Variants in ADCY10 observed in about 807,000 individuals in gnomAD.
ADCY10 encodes the protein adenylate cyclase type 10.
Under a neutral mutation model 183.3 loss-of-function variants are expected in ADCY10, and 156 were observed. The ratio of observed to expected loss-of-function variants is 0.85; its 90% CI spans 0.75 to 0.97. The LOEUF (loss-of-function observed/expected upper bound fraction) is 0.97, where lower values mean the gene tolerates loss of function less well. Ranked by LOEUF, ADCY10 falls within the 50% of genes least tolerant of loss-of-function variation. The pLI, the probability that ADCY10 is intolerant of heterozygous loss-of-function variation, is 0.00. For synonymous variants in ADCY10, 645 were observed against 670.0 expected (o/e 0.96, Z 0.58); for missense variants, 1,745 against 1,934.3 (o/e 0.90, Z 1.84).
chr1:167,878,127 A>G (rs1558222683), intron 12 of ADCY10, among the ~76,000 whole-genome samples: 4 of 152,338 alleles, frequency 2.6e-5, no homozygotes, highest in South Asian at 2.1e-4. Flanking sequence ...AGTAAATAAT[A>G]TTAAATGGTT....
At position 167,850,695 on chromosome 1, in the gene ADCY10, G is replaced by A. The variant is rs558340325; in HGVS notation, c.2309-2206C>T. Among the ~76,000 whole-genome samples, 70 of 142,232 alleles carry A rather than the reference G, an allele frequency of 4.9e-4. 1 individual carries two copies. Among genetic ancestry groups the A allele is most frequent in the African/African-American group, 1.6e-3 (59 of 37,164 alleles). The allele number at this position is 142,232 out of a possible 152,430, so 93.3% of individuals were successfully genotyped here. ...TGTGTGTGTGTGTGTGTGTGTGTGT[G>A]TGTGTGTGTGTGTTGGGAGTAGGAG... On this transcript the variant is annotated intron_variant, in intron 18 of 32. Transcript: ENST00000367851.
chr1:167,844,102 G>A (rs1011673416), intron 21 of ADCY10, among the ~76,000 whole-genome samples: 1 of 152,098 alleles, frequency 6.6e-6, no homozygotes, highest in African/African-American at 2.4e-5. Flanking sequence ...TACCACTTTT[G>A]TGATAATAAT....
intron 8 of ADCY10, among the ~76,000 whole-genome samples, chr1:167,891,304 G>T (rs1668572191): frequency 6.6e-6 from 1 of 152,090 alleles, no homozygotes; most frequent in South Asian, 2.1e-4. Context: ...CTCTGGGGTG[G>T]TGGTATATTT....
chr1:167,818,335 G>T, intron 30 of ADCY10, 68 bp from the exon 31 acceptor site: 1 of 1,411,732 alleles, frequency 7.1e-7, no homozygotes, highest in Non-Finnish European at 1.0e-6. Flanking sequence ...TTTCTGAAAT[G>T]TCTCTCTGGA....
At chr1:167,901,960 G>T in intron 4 of ADCY10, 56 bp downstream of exon 4, 1 of 1,608,406 alleles carries the variant, frequency 6.2e-7, no homozygotes, top group Non-Finnish European at 8.5e-7. Flanking sequence ...CAACACAGAA[G>T]CACAGGCACC....
At chr1:167,841,921 T>G (rs1664680661) in intron 21 of ADCY10, among the ~76,000 whole-genome samples, 1 of 152,256 alleles carries the variant, frequency 6.6e-6, no homozygotes, top group Non-Finnish European at 1.5e-5. Flanking sequence ...AATGAAATGC[T>G]GAATGAAAGT....
chr1:167,909,518 T>C (rs1420984546), intron 1 of ADCY10, among the ~76,000 whole-genome samples: 1 of 152,048 alleles, frequency 6.6e-6, no homozygotes, highest in African/African-American at 2.4e-5. Context: ...CAACACAAAT[T>C]TGTAAACTTT....
intron 16 of ADCY10, among the ~76,000 whole-genome samples, chr1:167,857,586 T>C (rs1469535304): frequency 1.3e-5 from 2 of 152,246 alleles, no homozygotes; most frequent in Non-Finnish European, 2.9e-5. Context: ...TGGTTTCTTC[T>C]AATCTAAAAT....
At chr1:167,860,314 C>G (rs1445733803) in intron 15 of ADCY10, among the ~76,000 whole-genome samples, 1 of 152,126 alleles carries the variant, frequency 6.6e-6, no homozygotes, top group Non-Finnish European at 1.5e-5. Flanking sequence ...ACCTAGGTCC[C>G]TTGCATGCAC....
At chr1:167,833,462 T>C (rs192888551) in intron 24 of ADCY10, among the ~76,000 whole-genome samples, 1 of 152,294 alleles carries the variant, frequency 6.6e-6, no homozygotes, top group East Asian at 1.9e-4. Context: ...GGTGTCAACC[T>C]GGGCCGGGCA....
chr1:167,829,159 C>G, intron 26 of ADCY10, 108 bp downstream of exon 26: 1 of 1,339,054 alleles, frequency 7.5e-7, no homozygotes, highest in Non-Finnish European at 1.1e-6. Context: ...ATCAGAAAGC[C>G]TTCTATTATT....
At chr1:167,852,889 CAAG>C (rs1228525048) in intron 18 of ADCY10, among the ~76,000 whole-genome samples, 1 of 152,110 alleles carries the variant, frequency 6.6e-6, no homozygotes, top group Non-Finnish European at 1.5e-5. Context: ...TGCTATTGAA[CAAG>C]AAGTGAGAGG....
intron 8 of ADCY10, among the ~76,000 whole-genome samples, chr1:167,892,093 C>T (rs1426965010): frequency 2.0e-5 from 3 of 151,894 alleles, no homozygotes; most frequent in Non-Finnish European, 4.4e-5. Context: ...TCACCTCAGC[C>T]TCCCTAGTAG....
At position 167,854,363 on chromosome 1, in the gene ADCY10, A is replaced by C. The variant is rs748937237; in HGVS notation, c.2298T>G (p.Asn766Lys). The C allele has an allele frequency of 6.2e-7, 1 of 1,614,168 alleles. No homozygotes were observed. ...CACCGCAGGACTTACTGAACAGGTT[A>C]TTCCAGGTCCTATTTGTCTTTTCCT... ...ESEEKTNRTW[N>K]NLFKYSIKLT... Residue 766 changes from asparagine (N) to lysine (K), a missense_variant, in exon 18 of 33, where the codon AAT (asparagine) becomes AAG (lysine). Physicochemically the swap from Asn to Lys is moderately conservative, Grantham distance 94. Coordinates refer to ENST00000367851, the MANE Select transcript of ADCY10 (RefSeq NM_018417.6).
At chr1:167,844,661 G>A (rs1020703283) in intron 21 of ADCY10, among the ~76,000 whole-genome samples, 1 of 152,116 alleles carries the variant, frequency 6.6e-6, no homozygotes, top group African/African-American at 2.4e-5. Flanking sequence ...ACCTTAAAGG[G>A]TTAATATGAG....
Position 167,885,247 on chromosome 1 carries a change from C to CATGG in ADCY10, c.829-1623_829-1620dup, listed in dbSNP as rs567773434. ...CTACTGTGAATAGCACTGCAGTAAA[C>CATGG]ATGGGAGTGTAGGTATCTCTTCAAT... On this transcript the variant is annotated intron_variant, in intron 8 of 32. Coordinates refer to ENST00000367851, the MANE Select transcript of ADCY10 (RefSeq NM_018417.6). Among the ~76,000 whole-genome samples the CATGG allele has an allele frequency of 1.2e-4, 19 of 152,306 alleles. No individual in the cohort carries two copies. In the South Asian group the frequency reaches 1.9e-3, roughly 15 times the overall value.
At chr1:167,855,687 A>C (rs992206449) in intron 17 of ADCY10, among the ~76,000 whole-genome samples, 1 of 152,204 alleles carries the variant, frequency 6.6e-6, no homozygotes, top group Admixed American at 6.5e-5. Context: ...AGCAACATCC[A>C]TCCTACCAAG....
intron 11 of ADCY10, 101 bp from the exon 12 acceptor site, chr1:167,878,736 C>A (rs1235947395): frequency 2.5e-6 from 3 of 1,202,376 alleles, no homozygotes; most frequent in Non-Finnish European, 3.6e-6. Flanking sequence ...ACCCTTTACT[C>A]CCTTTGCTGT....
intron 9 of ADCY10, among the ~76,000 whole-genome samples, chr1:167,881,013 G>A (rs2102249695): frequency 6.6e-6 from 1 of 152,280 alleles, no homozygotes; most frequent in East Asian, 1.9e-4. Context: ...TGGAAACTTA[G>A]ATAAGTCTAT....
Sources: allele counts gnomAD v4.1 joint callset (sites outside exome capture counted in the v4.1 genomes callset), GRCh38; gene constraint gnomAD v4.1.1; transcripts MANE v1.5; gene names NCBI Gene and HGNC (gene_info 2026-07-23, HGNC 2026-07-21).